The following CLNK variants were observed in gnomAD, a reference collection of about 807,000 sequenced individuals.
CLNK encodes the protein cytokine dependent hematopoietic cell linker.
CLNK carries 74 observed loss-of-function variants against 68.6 expected under a neutral mutation model. That is an observed-to-expected ratio of 1.08 (90% CI 0.89 to 1.31). CLNK has a LOEUF of 1.31. Among genes scored for constraint, CLNK ranks in the 50% most tolerant of loss-of-function variants. The pLI is 0.00. For missense variants in CLNK, 553 were observed against 515.3 expected (o/e 1.07, Z -0.71); for synonymous variants, 198 against 172.2 (o/e 1.15, Z -1.17).
intron 2 of CLNK, among the ~76,000 whole-genome samples, chr4:10,658,311 A>G (rs1724058247): frequency 6.6e-6 from 1 of 152,246 alleles, no homozygotes; most frequent in Non-Finnish European, 1.5e-5. Flanking sequence ...TTGTATCCTG[A>G]ATATCTAACA....
intron 2 of CLNK, among the ~76,000 whole-genome samples, chr4:10,629,285 A>G (rs1046519202): frequency 6.6e-6 from 1 of 152,062 alleles, no homozygotes; most frequent in African/African-American, 2.4e-5. Flanking sequence ...TGAAGGAGAA[A>G]TTTTCCCTTT....
At chr4:10,730,377 G>T in the CLNK span, among the ~76,000 whole-genome samples, 1 of 152,170 alleles carries the variant, frequency 6.6e-6, no homozygotes, top group Non-Finnish European at 1.5e-5. Context: ...AAGTCGTACT[G>T]ATTGTGCTCC....
intron 2 of CLNK, among the ~76,000 whole-genome samples, chr4:10,653,153 A>G (rs1370654759): frequency 2.0e-5 from 3 of 152,190 alleles, no homozygotes; most frequent in Non-Finnish European, 4.4e-5. Context: ...GAACACATGG[A>G]CACAGGGAGG....
chr4:10,635,866 C>A (rs113780355), intron 2 of CLNK: 1 of 152,214 alleles, frequency 6.6e-6, no homozygotes, highest in African/African-American at 2.4e-5. Flanking sequence ...TTCTAGACTA[C>A]GCTCTTCTGC....
intron 2 of CLNK, among the ~76,000 whole-genome samples, chr4:10,620,122 G>T (rs1722380192): frequency 6.6e-6 from 1 of 152,114 alleles, no homozygotes; most frequent in Admixed American, 6.5e-5. Context: ...CTGAGCATGC[G>T]TCTCCTCTTA....
intron 2 of CLNK, among the ~76,000 whole-genome samples, chr4:10,648,880 G>T (rs1338684343): frequency 6.6e-6 from 1 of 152,122 alleles, no homozygotes; most frequent in African/African-American, 2.4e-5. Flanking sequence ...GAGGGTCAGT[G>T]CTCATTCCAC....
chr4:10,675,007 G>A (rs1724813635), intron 1 of CLNK, among the ~76,000 whole-genome samples: 1 of 152,052 alleles, frequency 6.6e-6, no homozygotes, highest in South Asian at 2.1e-4. Flanking sequence ...GAGAGCATTA[G>A]GACAAATACC....
chr4:10,528,463 T>G (rs1718410252), intron 12 of CLNK, among the ~76,000 whole-genome samples: 2 of 152,232 alleles, frequency 1.3e-5, no homozygotes, highest in Admixed American at 1.3e-4. Context: ...TGAGCCAAGT[T>G]CTATGCACAA....
rs185323604 is a variant in CLNK, at chr4:10,665,393, C to T, written c.11+2466G>A. Among the ~76,000 whole-genome samples, 16 of 152,224 alleles carry T rather than the reference C, an allele frequency of 1.1e-4. No individual in the cohort carries two copies. The East Asian group carries it at 2.1e-3, about 20-fold the overall frequency. ...TCATTAAAAGACATAGAGTCGGGCG[C>T]GGTGGCTCACGCCTGTAATTCCAGC... is the stretch of plus-strand genomic sequence containing the variant. On this transcript the variant is annotated intron_variant, in intron 2 of 18. Transcript: ENST00000226951.
chr4:10,675,372 G>T (rs1724828664), intron 1 of CLNK, among the ~76,000 whole-genome samples: 1 of 152,094 alleles, frequency 6.6e-6, no homozygotes, highest in Non-Finnish European at 1.5e-5. Flanking sequence ...TAAATAGGCT[G>T]GATTTTCACG....
chr4:10,715,226 C>T, the CLNK span, among the ~76,000 whole-genome samples: 4 of 152,148 alleles, frequency 2.6e-5, no homozygotes, highest in Non-Finnish European at 4.4e-5. Flanking sequence ...ACCATAAGCC[C>T]CTCTCTAGAC....
intron 11 of CLNK, among the ~76,000 whole-genome samples, chr4:10,535,871 T>C (rs1718742024): frequency 6.6e-6 from 1 of 152,188 alleles, no homozygotes; most frequent in Non-Finnish European, 1.5e-5. Context: ...AATAATTAAG[T>C]ACATGGATAT....
chr4:10,606,930 G>A (rs940587077), intron 2 of CLNK, among the ~76,000 whole-genome samples: 1 of 152,194 alleles, frequency 6.6e-6, no homozygotes. Context: ...AAGCATCTAG[G>A]TTGTTGCGGG....
At chr4:10,493,963 C>T (rs1490174135) in intron 18 of CLNK, among the ~76,000 whole-genome samples, 1 of 152,232 alleles carries the variant, frequency 6.6e-6, no homozygotes, top group African/African-American at 2.4e-5. Flanking sequence ...GAAAGTGTGA[C>T]ACACAGTGAG....
intron 2 of CLNK, among the ~76,000 whole-genome samples, chr4:10,652,105 G>A (rs1234950956): frequency 6.6e-6 from 1 of 152,036 alleles, no homozygotes; most frequent in African/African-American, 2.4e-5. Flanking sequence ...TTGAGGCCAG[G>A]TGCAGTAGCT....
At chr4:10,522,085 C>T (rs564955458) in intron 14 of CLNK, among the ~76,000 whole-genome samples, 3 of 151,732 alleles carry the variant, frequency 2.0e-5, no homozygotes, top group African/African-American at 7.2e-5. Context: ...GGTGAAATCC[C>T]GTCTCTACTA....
chr4:10,660,623 A>G (rs1258182523), intron 2 of CLNK, among the ~76,000 whole-genome samples: 2 of 152,232 alleles, frequency 1.3e-5, no homozygotes, highest in African/African-American at 4.8e-5. Context: ...CCTTGTGGAC[A>G]GTCAGTAGGA....
intron 2 of CLNK, among the ~76,000 whole-genome samples, chr4:10,646,415 T>A (rs1723513145): frequency 6.6e-6 from 1 of 152,220 alleles, no homozygotes; most frequent in Admixed American, 6.5e-5. Context: ...TACTTATGTG[T>A]CAGCTCAGGA....
intron 2 of CLNK, among the ~76,000 whole-genome samples, chr4:10,603,811 A>T (rs1721684967): frequency 1.3e-5 from 2 of 152,228 alleles, no homozygotes. Context: ...GCAATTCCCA[A>T]AAAAGGTTAA....
Sources: gnomAD v4.1 joint callset for allele counts (sites outside exome capture counted in the v4.1 genomes callset) on GRCh38, gnomAD v4.1.1 for gene constraint, MANE v1.5 for transcripts, NCBI Gene and HGNC (gene_info 2026-07-23, HGNC 2026-07-21) for gene names.